Variants in TMC3 observed in about 807,000 individuals in gnomAD.
TMC3 encodes the protein transmembrane channel-like protein 3.
Under a neutral mutation model 110.6 loss-of-function variants are expected in TMC3, and 98 were observed. That is an observed-to-expected ratio of 0.89 (90% CI 0.75 to 1.05). The LOEUF (loss-of-function observed/expected upper bound fraction) is 1.05. Among genes scored for constraint, TMC3 ranks in the 50% least tolerant of loss-of-function variants. The pLI is 0.00. For missense variants in TMC3, 1,319 were observed against 1,373.2 expected, an observed-to-expected ratio of 0.96 and a Z score of 0.62; for synonymous variants, 489 against 513.1, an observed-to-expected ratio of 0.95 and a Z score of 0.63.
chr15:81,362,533 T>G (rs960809346), intron 3 of TMC3, among the ~76,000 whole-genome samples: 6 of 152,092 alleles, frequency 3.9e-5, no homozygotes, highest in Non-Finnish European at 7.4e-5. Flanking sequence ...TGCAGCCCCA[T>G]ATAATATGCA....
intron 12 of TMC3, among the ~76,000 whole-genome samples, chr15:81,345,951 G>A (rs1300015199): frequency 1.3e-5 from 2 of 152,154 alleles, no homozygotes; most frequent in Admixed American, 6.5e-5. Context: ...GGCTGGGATA[G>A]TAAGTCCCCT....
At chr15:81,358,006 T>A (rs920397374) in intron 7 of TMC3, 143 bp downstream of exon 7, 4 of 1,033,938 alleles carry the variant, frequency 3.9e-6, no homozygotes, top group African/African-American at 3.3e-5. Flanking sequence ...TAGATGACAT[T>A]ACACATATCA....
rs62035335 is a variant in TMC3 at position 81,372,870 on chromosome 15, C to T, written c.90-133G>A. On this transcript the variant is annotated intron_variant, in intron 1 of 21. Transcript: ENST00000359440. ...TGTATGAAATGTGTATGTGTTTGTGCGTGTGTGTGTGTGTGTGTGTGTGTG... is the reference window on the plus strand; with the variant it reads ...TGTATGAAATGTGTATGTGTTTGTGTGTGTGTGTGTGTGTGTGTGTGTGTG... The T allele has an allele frequency of 1.6e-3, 878 of 555,508 alleles. 1 individual carries two copies. The highest frequency in any genetic ancestry group is 7.8e-3 in the African/African-American group (419 of 53,620). 34.4% of individuals were successfully genotyped at this position (555,508 alleles called of 1,614,324 possible). A position where few individuals can be genotyped will look rare whatever the true frequency, so the allele number is the denominator to read the frequency against.
intron 11 of TMC3, among the ~76,000 whole-genome samples, chr15:81,348,586 G>A (rs1462514281): frequency 6.6e-6 from 1 of 152,200 alleles, no homozygotes; most frequent in Non-Finnish European, 1.5e-5. Flanking sequence ...TCAACCACCT[G>A]CTGTCACAGC....
intron 18 of TMC3, 88 bp downstream of exon 18, chr15:81,338,567 T>C (rs1217206123): frequency 6.4e-7 from 1 of 1,553,292 alleles, no homozygotes; most frequent in East Asian, 2.3e-5. Context: ...AATGAACTAA[T>C]AAATTTTATG....
intron 12 of TMC3, among the ~76,000 whole-genome samples, chr15:81,345,310 AT>A (rs67622476): frequency 0.12 from 17,737 of 152,224 alleles, 1,677 homozygotes; most frequent in African/African-American, 0.26. Flanking sequence ...TTATTACCTC[AT>A]GTTCAGATGA....
At chr15:81,366,134 G>T (rs907313510) in intron 3 of TMC3, among the ~76,000 whole-genome samples, 1 of 152,188 alleles carries the variant, frequency 6.6e-6, no homozygotes, top group Non-Finnish European at 1.5e-5. Context: ...AACACGACAT[G>T]CAAGATGTCA....
intron 3 of TMC3, among the ~76,000 whole-genome samples, chr15:81,367,671 A>C (rs1468107248): frequency 6.6e-6 from 1 of 152,202 alleles, no homozygotes; most frequent in African/African-American, 2.4e-5. Flanking sequence ...GGATTAACTC[A>C]GGAAAGGTGC....
At position 81,374,107 on chromosome 15, in the gene TMC3, G is replaced by A; in HGVS notation, c.-30C>T. 6.2e-7 allele frequency: 1 copy of A among 1,602,640 alleles called. No homozygotes were observed. Among genetic ancestry groups the A allele is most frequent in the East Asian group, 2.2e-5 (1 of 44,724 alleles). On this transcript the variant is annotated 5_prime_UTR_variant, in exon 1 of 22. Transcript: ENST00000359440. ...GCTAACCCACTGCTAACAATCAGAA[G>A]CTGGCCAGAGAGCTAGGAAGTTGGC... is the stretch of plus-strand genomic sequence containing the variant.
At position 81,331,252 on chromosome 15, in the gene TMC3, G is replaced by T. The variant is rs190213323; in HGVS notation, c.*1167C>A. 5 of 152,338 alleles carry T rather than the reference G, an allele frequency of 3.3e-5. No individual in the cohort carries two copies. Among genetic ancestry groups the T allele is most frequent in the Admixed American group, 2.0e-4 (3 of 15,304 alleles). 9.4% of individuals were successfully genotyped at this position (152,338 alleles called of 1,614,324 possible). On this transcript the variant is annotated 3_prime_UTR_variant, in exon 22 of 22. Coordinates refer to ENST00000359440, the MANE Select transcript of TMC3 (RefSeq NM_001080532.3). ...ACTTACAGAAGCGAGAGCAAAGGCA[G>T]TTGTTCAGTCTTTTACATTTATCTA... is the stretch of plus-strand genomic sequence containing the variant.
intron 1 of TMC3, 128 bp from the exon 2 acceptor site, chr15:81,372,865 T>TTGTGAGTG: frequency 3.1e-5 from 18 of 579,532 alleles, no homozygotes; most frequent in East Asian, 6.4e-5. Context: ...GTGTATGTGT[T>TTGTGAGTG]TGTGCGTGTG....
At chr15:81,351,594 C>T in intron 10 of TMC3, 100 bp downstream of exon 10, 1 of 1,435,484 alleles carries the variant, frequency 7.0e-7, no homozygotes, top group Non-Finnish European at 9.4e-7. Flanking sequence ...TCAAGTGATC[C>T]ACCTGCCCCA....
chr15:81,361,996 C>T lies in TMC3; in HGVS notation c.394+224G>A, dbSNP rs1009514758. On this transcript the variant is annotated intron_variant, in intron 4 of 21. Transcript: ENST00000359440. ...CTGGGAGAGAACAGCAGAGCCGCAG[C>T]GGAATGTGGAAAGGCCCACGTCCAG... is the stretch of plus-strand genomic sequence containing the variant. The T allele has an allele frequency of 8.9e-5, 36 of 402,852 alleles. No homozygotes were observed. The South Asian group carries it at 9.6e-4, about 11-fold the overall frequency. The allele number at this position is 402,852 out of a possible 1,614,324, so 25.0% of individuals were successfully genotyped here. A position where few individuals can be genotyped will look rare whatever the true frequency, so the allele number is the denominator to read the frequency against.
At chr15:81,355,519 G>A (rs1157882835) in intron 9 of TMC3, among the ~76,000 whole-genome samples, 1 of 152,168 alleles carries the variant, frequency 6.6e-6, no homozygotes, top group Non-Finnish European at 1.5e-5. Context: ...TGTGACCCTT[G>A]TTACAGGATC....
chr15:81,356,771 C>T (rs997340786), intron 7 of TMC3, among the ~76,000 whole-genome samples, 177 bp from the exon 8 acceptor site: 1 of 152,170 alleles, frequency 6.6e-6, no homozygotes, highest in African/African-American at 2.4e-5. Context: ...TGCTTGTGAC[C>T]TCAGCAACAC....
At position 81,362,176 on chromosome 15, in the gene TMC3, C is replaced by T; in HGVS notation, c.394+44G>A. 7 of 1,525,710 alleles carry T rather than the reference C, an allele frequency of 4.6e-6. No homozygotes were observed. In the South Asian group the frequency reaches 7.1e-5, roughly 16 times the overall value. The allele number at this position is 1,525,710 out of a possible 1,614,324, so 94.5% of individuals were successfully genotyped here. A position where few individuals can be genotyped will look rare whatever the true frequency, so the allele number is the denominator to read the frequency against. ...ACTCTCCTTAGGCTGTGACTGGCCA[C>T]TAGCATTGCATTCCTGCCCCACTCT... On this transcript the variant is annotated intron_variant, in intron 4 of 21. Transcript: ENST00000359440.
intron 21 of TMC3, among the ~76,000 whole-genome samples, chr15:81,333,640 T>G (rs569510894): frequency 1.3e-5 from 2 of 152,332 alleles, no homozygotes; most frequent in East Asian, 3.9e-4. Flanking sequence ...GTCTGACTTC[T>G]CAAGCACTTC....
intron 12 of TMC3, 41 bp downstream of exon 12, chr15:81,346,324 G>T: frequency 6.4e-7 from 1 of 1,563,334 alleles, no homozygotes; most frequent in African/African-American, 1.4e-5. Context: ...TAGCAGAGAG[G>T]GCAGAGGTGG....
intron 1 of TMC3, among the ~76,000 whole-genome samples, chr15:81,373,719 T>G (rs1894487499): frequency 6.6e-6 from 1 of 152,168 alleles, no homozygotes; most frequent in Non-Finnish European, 1.5e-5. Flanking sequence ...AACATATCTG[T>G]GGGTTTGGCC....
Sources: allele counts gnomAD v4.1 joint callset (sites outside exome capture counted in the v4.1 genomes callset), GRCh38; gene constraint gnomAD v4.1.1; transcripts MANE v1.5; gene names NCBI Gene and HGNC (gene_info 2026-07-23, HGNC 2026-07-21).